Variants in RPS6KA2 observed in about 807,000 individuals in gnomAD.
RPS6KA2 encodes ribosomal protein S6 kinase A2, also known as ribosomal protein S6 kinase alpha-2.
In RPS6KA2, 42 loss-of-function variants were observed where a neutral mutation model predicts 91.8. The observed-to-expected ratio is 0.46, with a 90% confidence interval of 0.36 to 0.59. The LOEUF (loss-of-function observed/expected upper bound fraction) is 0.59, where lower values mean the gene tolerates loss of function less well. Among genes scored for constraint, RPS6KA2 ranks in the 20% least tolerant of loss-of-function variants. The pLI, the probability that RPS6KA2 is intolerant of heterozygous loss-of-function variation, is 0.00. For synonymous variants in RPS6KA2, 414 were observed against 393.6 expected (o/e 1.05, Z -0.61); for missense variants, 798 against 978.5 (o/e 0.82, Z 2.46).
At chr6:166,431,793 T>C (rs1779140221) in intron 15 of RPS6KA2, among the ~76,000 whole-genome samples, 1 of 152,116 alleles carries the variant, frequency 6.6e-6, no homozygotes, top group South Asian at 2.1e-4. Context: ...ATTTTGTATT[T>C]TTAGTAGAGA....
rs565416275 is a variant in RPS6KA2, at chr6:166,418,533, T to C, written c.1821-191A>G. ...TATGCCCGTTTTCCTTCCTTAGCAATTGGGTGGCTAGAGGTTGATGGGCAA... is the reference window on the plus strand; with the variant it reads ...TATGCCCGTTTTCCTTCCTTAGCAACTGGGTGGCTAGAGGTTGATGGGCAA... On this transcript the variant is annotated intron_variant, in intron 18 of 20. Coordinates refer to ENST00000265678, the MANE Select transcript of RPS6KA2 (RefSeq NM_021135.6). The surrounding 1 kb of genome is among the most constrained non-coding windows in gnomAD (Gnocchi z 4.9). 6.6e-6 allele frequency among the ~76,000 whole-genome samples: 1 copy of C among 152,296 alleles called. No individual in the cohort carries two copies. The highest frequency in any genetic ancestry group is 2.4e-5 in the African/African-American group (1 of 41,574).
chr6:166,736,216 G>A (rs1033864848), intron 2 of RPS6KA2, among the ~76,000 whole-genome samples: 1 of 152,234 alleles, frequency 6.6e-6, no homozygotes, highest in African/African-American at 2.4e-5. Flanking sequence ...TTACATGACA[G>A]AGTTGAAGTT....
chr6:166,472,605 C>T (rs1583179165), intron 10 of RPS6KA2, among the ~76,000 whole-genome samples: 1 of 152,206 alleles, frequency 6.6e-6, no homozygotes. Flanking sequence ...ACCTTGAAAC[C>T]TGTGTCAACC....
At chr6:166,480,299 C>T (rs1294535901) in intron 10 of RPS6KA2, among the ~76,000 whole-genome samples, 6 of 151,700 alleles carry the variant, frequency 4.0e-5, no homozygotes, top group East Asian at 1.9e-4. Context: ...TGAAATATCA[C>T]GAAGAAATGT....
At chr6:166,810,661 G>T (rs1240450767) in intron 2 of RPS6KA2, among the ~76,000 whole-genome samples, 2 of 152,184 alleles carry the variant, frequency 1.3e-5, no homozygotes, top group East Asian at 1.9e-4. Flanking sequence ...TGTTACCGGG[G>T]TTAACCCGAG....
rs758821702 is a variant in RPS6KA2, at chr6:166,469,891, C to T, written c.922G>A (p.Gly308Arg). 2.2e-5 allele frequency: 35 copies of T among 1,614,060 alleles called. No individual in the cohort carries two copies. The highest frequency in any genetic ancestry group is 3.3e-5 in the South Asian group (3 of 91,082). Residue 308 changes from glycine to arginine, a missense_variant, in exon 11 of 21, where the codon GGA (glycine) becomes AGA (arginine). Coordinates refer to ENST00000265678, the MANE Select transcript of RPS6KA2 (RefSeq NM_021135.6). ...GGATGGCGCTTAATTTCCTCCACTC[C>T]GTCAATGCCAGCACCTGTCAACAAC... ...PCNRLGAGID[G>R]VEEIKRHPFF...
chr6:166,618,449 G>C (rs1786497386), intron 1 of RPS6KA2, among the ~76,000 whole-genome samples: 1 of 152,162 alleles, frequency 6.6e-6, no homozygotes, highest in African/African-American at 2.4e-5. Flanking sequence ...GGTAGGGCCT[G>C]AGAATGGACT....
intron 2 of RPS6KA2, among the ~76,000 whole-genome samples, chr6:166,744,028 G>A (rs1193962699): frequency 1.3e-5 from 2 of 152,026 alleles, no homozygotes; most frequent in African/African-American, 4.8e-5. Context: ...GCAGTGCTGG[G>A]GCCCTGAGCC....
chr6:166,480,477 T>TATATATATATATATATATATATATA (rs1347612534), intron 10 of RPS6KA2, among the ~76,000 whole-genome samples: 16 of 43,892 alleles, frequency 3.6e-4, no homozygotes, highest in Admixed American at 2.1e-3. Flanking sequence ...AAGATTGTGA[T>TATATATATATATATATATATATATA]TTTATATATA....
intron 2 of RPS6KA2, among the ~76,000 whole-genome samples, chr6:166,856,075 T>C (rs1343612480): frequency 6.6e-6 from 1 of 152,218 alleles, no homozygotes; most frequent in Non-Finnish European, 1.5e-5. Flanking sequence ...CTAGGAGCTC[T>C]TAAAAAATAA....
intron 3 of RPS6KA2, among the ~76,000 whole-genome samples, chr6:166,528,948 T>C (rs1359952730): frequency 1.3e-5 from 2 of 152,158 alleles, no homozygotes; most frequent in Non-Finnish European, 1.5e-5. Flanking sequence ...TGTGGAGAAA[T>C]AGGAACACTT....
chr6:166,446,423 T>C (rs1255379939), intron 14 of RPS6KA2, among the ~76,000 whole-genome samples: 3 of 152,218 alleles, frequency 2.0e-5, no homozygotes, highest in Non-Finnish European at 4.4e-5. Context: ...ATCCCTGCCA[T>C]GTCTGCTGGC....
At chr6:166,680,768 G>C (rs1042972892) in intron 2 of RPS6KA2, among the ~76,000 whole-genome samples, 2 of 152,174 alleles carry the variant, frequency 1.3e-5, no homozygotes, top group African/African-American at 4.8e-5. Context: ...CCATCTTTAA[G>C]AACTGTAACA....
At chr6:166,838,874 T>C (rs1780385697) in intron 2 of RPS6KA2, among the ~76,000 whole-genome samples, 1 of 151,646 alleles carries the variant, frequency 6.6e-6, no homozygotes, top group Admixed American at 6.5e-5. Flanking sequence ...GAGTTTAATC[T>C]CACCAGGGCC....
chr6:166,420,016 G>T, intron 17 of RPS6KA2, 58 bp from the exon 18 acceptor site: 2 of 1,520,006 alleles, frequency 1.3e-6, no homozygotes, highest in Non-Finnish European at 1.8e-6. Context: ...CAGATTGACA[G>T]CACGTTTCTC....
chr6:166,620,256 T>C (rs899105707), intron 1 of RPS6KA2, among the ~76,000 whole-genome samples: 1 of 152,244 alleles, frequency 6.6e-6, no homozygotes, highest in African/African-American at 2.4e-5. Context: ...CACTGGCCAA[T>C]ACCTAAGTAC....
Position 166,648,276 on chromosome 6 carries a change from G to A in RPS6KA2, c.124-109492C>T, listed in dbSNP as rs76006433. ...CACACACACTCATGTTCATACACAC[G>A]CATGCACACAGTATGCACACACACG... On this transcript the variant is annotated intron_variant, in intron 2 of 21. Coordinates refer to the RPS6KA2 transcript ENST00000503859. This position sits in a 1 kb window ranked among gnomAD's most constrained non-coding sequence, Gnocchi z 4.8. Among the ~76,000 whole-genome samples the A allele has an allele frequency of 6.9e-4, 104 of 150,130 alleles. No homozygotes were observed. Among genetic ancestry groups the A allele is most frequent in the South Asian group, 1.9e-3 (9 of 4,712 alleles).
At position 166,538,460 on chromosome 6, in the gene RPS6KA2, G is replaced by A. The variant is rs186995310; in HGVS notation, c.216+208C>T. Reference sequence around the variant, plus strand: ...CAAAAGTGCATGTGACGGCTCCAACGGCATTTTGTTCTCACCTGGCACAGC... The same window carrying A: ...CAAAAGTGCATGTGACGGCTCCAACAGCATTTTGTTCTCACCTGGCACAGC... On this transcript the variant is annotated intron_variant, in intron 2 of 20. Coordinates refer to ENST00000265678, the MANE Select transcript of RPS6KA2 (RefSeq NM_021135.6). 1.3e-4 allele frequency among the ~76,000 whole-genome samples: 20 copies of A among 152,264 alleles called. No individual in the cohort carries two copies. The East Asian group carries it at 3.5e-3, about 26-fold the overall frequency.
chr6:166,757,247 T>A (rs911928429), intron 2 of RPS6KA2, among the ~76,000 whole-genome samples: 1 of 152,200 alleles, frequency 6.6e-6, no homozygotes, highest in South Asian at 2.1e-4. Flanking sequence ...TTCCCCTCAG[T>A]TGTGAAAATA....
Sources: gnomAD v4.1 joint callset for allele counts (sites outside exome capture counted in the v4.1 genomes callset) on GRCh38, gnomAD v4.1.1 for gene constraint, Gnocchi (gnomAD v3.1) non-coding constraint, MANE v1.5 for transcripts, NCBI Gene and HGNC (gene_info 2026-07-23, HGNC 2026-07-21) for gene names.